The following HCN1 variants were observed in gnomAD, a reference collection of about 807,000 sequenced individuals.
HCN1 encodes hyperpolarization activated cyclic nucleotide gated potassium channel 1, also known as potassium/sodium hyperpolarization-activated cyclic nucleotide-gated channel 1.
A neutral mutation model predicts 78.9 loss-of-function variants in HCN1; 13 were observed. The observed-to-expected ratio is 0.16, with a 90% CI of 0.11 to 0.26. The LOEUF (loss-of-function observed/expected upper bound fraction) is 0.26, where lower values mean the gene tolerates loss of function less well. Among genes scored for constraint, HCN1 ranks in the 10% least tolerant of loss-of-function variants. HCN1 has a pLI of 1.00. For synonymous variants in HCN1, 552 were observed against 455.5 expected (o/e 1.21, Z -2.70); for missense variants, 810 against 1,154.3 (o/e 0.70, Z 4.32).
At chr5:45,316,380 C>A (rs1307546271) in intron 5 of HCN1, among the ~76,000 whole-genome samples, 2 of 152,136 alleles carry the variant, frequency 1.3e-5, no homozygotes, top group African/African-American at 2.4e-5. Flanking sequence ...ATGCTAAAAA[C>A]TCTCAATAAA....
intron 2 of HCN1, among the ~76,000 whole-genome samples, chr5:45,542,614 G>C (rs1399359065): frequency 2.0e-5 from 3 of 152,098 alleles, no homozygotes; most frequent in Non-Finnish European, 4.4e-5. Context: ...GTTGCTGAAG[G>C]ACAAATGCCC....
At chr5:45,405,629 A>G (rs1423532114) in intron 3 of HCN1, among the ~76,000 whole-genome samples, 1 of 152,098 alleles carries the variant, frequency 6.6e-6, no homozygotes, top group Non-Finnish European at 1.5e-5. Flanking sequence ...GCTGGTTTCA[A>G]ACTCCTGGCT....
rs187994135 is a variant in HCN1 at position 45,373,566 on chromosome 5, A to G, written c.1231-20320T>C. 2.9e-3 allele frequency among the ~76,000 whole-genome samples: 410 copies of G among 139,776 alleles called. 4 individuals carry two copies. The highest frequency in any genetic ancestry group is 9.8e-3 in the African/African-American group (369 of 37,604). The allele number at this position is 139,776 out of a possible 152,430, so 91.7% of individuals were successfully genotyped here. A position where few individuals can be genotyped will look rare whatever the true frequency, so the allele number is the denominator to read the frequency against. Reference sequence around the variant, plus strand: ...GTCATCTATAATATATATTACATACATTATATACGTCATCTATAATATATT... The same window carrying G: ...GTCATCTATAATATATATTACATACGTTATATACGTCATCTATAATATATT... On this transcript the variant is annotated intron_variant, in intron 4 of 7. Transcript: ENST00000303230.
At chr5:45,465,816 A>G (rs545776918) in intron 2 of HCN1, among the ~76,000 whole-genome samples, 6 of 152,276 alleles carry the variant, frequency 3.9e-5, no homozygotes, top group African/African-American at 1.4e-4. Flanking sequence ...GACTACAAAC[A>G]ATGTCTTTAG....
chr5:45,530,356 A>G (rs1742816330), intron 2 of HCN1, among the ~76,000 whole-genome samples: 1 of 151,924 alleles, frequency 6.6e-6, no homozygotes, highest in East Asian at 1.9e-4. Context: ...AGTAAACCTG[A>G]GCAAATTTAA....
intron 1 of HCN1, among the ~76,000 whole-genome samples, chr5:45,673,355 T>G (rs1281810610): frequency 1.3e-5 from 2 of 151,548 alleles, no homozygotes; most frequent in African/African-American, 4.8e-5. Context: ...TGAAAGAAAT[T>G]ACTATTGACA....
At chr5:45,550,194 A>G (rs1052381107) in intron 2 of HCN1, among the ~76,000 whole-genome samples, 24 of 152,302 alleles carry the variant, frequency 1.6e-4, no homozygotes, top group South Asian at 4.1e-4. Context: ...AGACACATGC[A>G]CACGTATGTT....
At chr5:45,620,820 C>T (rs1413965008) in intron 2 of HCN1, among the ~76,000 whole-genome samples, 1 of 152,052 alleles carries the variant, frequency 6.6e-6, no homozygotes, top group Non-Finnish European at 1.5e-5. Context: ...TCTACAGTAC[C>T]CTATCTAACA....
intron 4 of HCN1, among the ~76,000 whole-genome samples, chr5:45,373,865 T>G (rs550269669): frequency 7.4e-6 from 1 of 135,472 alleles, no homozygotes; most frequent in South Asian, 2.2e-4. Flanking sequence ...ATACGTCATC[T>G]ATAATATATT....
chr5:45,347,136 C>T (rs902140333), intron 5 of HCN1, among the ~76,000 whole-genome samples: 2 of 152,220 alleles, frequency 1.3e-5, no homozygotes, highest in East Asian at 1.9e-4. Flanking sequence ...CAGACTGACA[C>T]CTCACAGGGC....
chr5:45,499,426 A>G (rs1217332703), intron 2 of HCN1, among the ~76,000 whole-genome samples: 1 of 152,164 alleles, frequency 6.6e-6, no homozygotes, highest in Non-Finnish European at 1.5e-5. Flanking sequence ...CAAGTGAGGC[A>G]ATGCCTCGCC....
intron 4 of HCN1, among the ~76,000 whole-genome samples, chr5:45,357,901 T>C (rs542348539): frequency 1.3e-5 from 2 of 152,152 alleles, no homozygotes; most frequent in South Asian, 4.1e-4. Context: ...CTCACTCTGT[T>C]AGTTCCCTAG....
chr5:45,451,244 G>A (rs1290618129), intron 3 of HCN1, among the ~76,000 whole-genome samples: 1 of 151,954 alleles, frequency 6.6e-6, no homozygotes, highest in East Asian at 1.9e-4. Context: ...ATAAAAATCT[G>A]TATTTATTTA....
intron 2 of HCN1, among the ~76,000 whole-genome samples, chr5:45,520,530 T>A (rs1377726169): frequency 1.3e-5 from 2 of 152,060 alleles, no homozygotes; most frequent in African/African-American, 4.8e-5. Flanking sequence ...ATTATAATAT[T>A]TCATGTATTA....
intron 6 of HCN1, among the ~76,000 whole-genome samples, chr5:45,288,889 T>C (rs1745318480): frequency 1.3e-5 from 2 of 151,794 alleles, no homozygotes; most frequent in Non-Finnish European, 2.9e-5. Context: ...GAAGGCCACA[T>C]GGGAAAGGAG....
At chr5:45,464,278 G>C (rs1195421608) in intron 2 of HCN1, among the ~76,000 whole-genome samples, 3 of 152,018 alleles carry the variant, frequency 2.0e-5, no homozygotes, top group Non-Finnish European at 4.4e-5. Flanking sequence ...TAACACTTTA[G>C]AAACACTTTT....
At chr5:45,643,169 T>G (rs1745486426) in intron 2 of HCN1, 1 of 152,110 alleles carries the variant, frequency 6.6e-6, no homozygotes, top group African/African-American at 2.4e-5. Flanking sequence ...TCTAGGTGCC[T>G]GTAATTACTG....
At chr5:45,568,510 C>G (rs1320632192) in intron 2 of HCN1, among the ~76,000 whole-genome samples, 1 of 152,022 alleles carries the variant, frequency 6.6e-6, no homozygotes, top group Non-Finnish European at 1.5e-5. Context: ...CAGTGTTTAA[C>G]TCAGTTATTG....
At chr5:45,463,006 A>T (rs1741193133) in intron 2 of HCN1, among the ~76,000 whole-genome samples, 1 of 152,070 alleles carries the variant, frequency 6.6e-6, no homozygotes, top group Non-Finnish European at 1.5e-5. Flanking sequence ...GAATTACTGC[A>T]TTAATAAATA....
Sources: allele counts gnomAD v4.1 joint callset (sites outside exome capture counted in the v4.1 genomes callset), GRCh38; gene constraint gnomAD v4.1.1; transcripts MANE v1.5; gene names NCBI Gene and HGNC (gene_info 2026-07-23, HGNC 2026-07-21).